UBR1: variants seen among roughly 807,000 people sequenced by gnomAD.
UBR1 encodes the protein E3 ubiquitin-protein ligase UBR1.
In UBR1, 102 loss-of-function variants were observed where a neutral mutation model predicts 242.1. The observed-to-expected ratio is 0.42, with a 90% CI of 0.36 to 0.50. The LOEUF (loss-of-function observed/expected upper bound fraction) is 0.50, where lower values mean the gene tolerates loss of function less well. Among genes scored for constraint, UBR1 ranks in the 20% least tolerant of loss-of-function variants. UBR1 has a pLI of 0.01. For missense variants in UBR1, 1,772 were observed against 2,101.8 expected (o/e 0.84, Z 3.07); for synonymous variants, 675 against 684.8 (o/e 0.99, Z 0.22).
intron 44 of UBR1, among the ~76,000 whole-genome samples, chr15:42,953,267 G>A (rs1449182667): frequency 6.6e-6 from 1 of 152,188 alleles, no homozygotes; most frequent in Non-Finnish European, 1.5e-5. Context: ...AGTTTCCCAT[G>A]CTCCTCCCAT....
intron 12 of UBR1, among the ~76,000 whole-genome samples, chr15:43,051,706 C>T (rs536816237): frequency 1.1e-4 from 16 of 152,130 alleles, no homozygotes; most frequent in Admixed American, 1.3e-4. Context: ...AATGAGCAAC[C>T]TCTATAGATG....
chr15:42,946,180 C>T (rs1490986790), intron 46 of UBR1, among the ~76,000 whole-genome samples: 7 of 151,838 alleles, frequency 4.6e-5, no homozygotes, highest in Admixed American at 2.6e-4. Flanking sequence ...GCTGGAGTGC[C>T]GTGGTACGAT....
chr15:43,011,964 C>T (rs1282729132), intron 29 of UBR1: 10 of 449,078 alleles, frequency 2.2e-5, no homozygotes, highest in African/African-American at 6.0e-5. Flanking sequence ...CAGTGGCTCA[C>T]GCCTGTAATC....
At chr15:43,005,091 G>T (rs562509996) in intron 30 of UBR1, among the ~76,000 whole-genome samples, 1 of 151,932 alleles carries the variant, frequency 6.6e-6, no homozygotes, top group South Asian at 2.1e-4. Context: ...GATGTGAGGA[G>T]TGTCTCTGCC....
intron 1 of UBR1, among the ~76,000 whole-genome samples, chr15:43,091,637 T>C (rs1050049275): frequency 2.6e-5 from 4 of 152,076 alleles, no homozygotes; most frequent in African/African-American, 9.7e-5. Context: ...TAATGAATAA[T>C]TGATATTTTA....
chr15:43,006,521 C>T (rs1028786164), intron 30 of UBR1, among the ~76,000 whole-genome samples: 2 of 152,166 alleles, frequency 1.3e-5, no homozygotes, highest in Admixed American at 6.5e-5. Flanking sequence ...CCACCCACAC[C>T]GGCTTCCCAA....
intron 15 of UBR1, among the ~76,000 whole-genome samples, chr15:43,042,408 G>A (rs1257002799): frequency 6.6e-6 from 1 of 152,132 alleles, no homozygotes; most frequent in Non-Finnish European, 1.5e-5. Flanking sequence ...CATTATGCTA[G>A]GTGATATAAG....
chr15:42,985,992 A>T (rs1383176408), intron 35 of UBR1, among the ~76,000 whole-genome samples: 2 of 149,880 alleles, frequency 1.3e-5, no homozygotes, highest in Non-Finnish European at 3.0e-5. Context: ...CCTGTCTCAA[A>T]AAAAAAAAAA....
intron 10 of UBR1, among the ~76,000 whole-genome samples, chr15:43,057,562 A>G (rs2033633142): frequency 6.6e-6 from 1 of 152,214 alleles, no homozygotes; most frequent in Non-Finnish European, 1.5e-5. Context: ...GTAAGGTAAG[A>G]GATACACGAT....
At chr15:43,095,504 C>T (rs981347943) in intron 1 of UBR1, among the ~76,000 whole-genome samples, 4 of 149,864 alleles carry the variant, frequency 2.7e-5, no homozygotes, top group Non-Finnish European at 4.4e-5. Context: ...CAGCATATTT[C>T]CATAAGCACT....
intron 45 of UBR1, among the ~76,000 whole-genome samples, chr15:42,951,540 T>C (rs2031834180): frequency 2.0e-5 from 3 of 152,198 alleles, no homozygotes; most frequent in South Asian, 2.1e-4. Context: ...ACTATTTTTC[T>C]ATCCTCAATC....
chr15:42,965,939 G>A (rs2032098484), intron 41 of UBR1, among the ~76,000 whole-genome samples: 1 of 152,166 alleles, frequency 6.6e-6, no homozygotes, highest in Non-Finnish European at 1.5e-5. Context: ...ACATAGATAG[G>A]AGCGAAGAGT....
Position 42,964,061 on chromosome 15 carries a change from T to C in UBR1, c.4592-18A>G. On this transcript the variant is annotated intron_variant, in intron 41 of 46. Transcript: ENST00000290650. ...TGCAGAATCTGCAAGAGAATAAAAA[T>C]ACATTTAATAAGCACATTATTCTTA... 6.6e-7 allele frequency: 1 copy of C among 1,517,256 alleles called. No individual in the cohort carries two copies. The highest frequency in any genetic ancestry group is 1.1e-5 in the South Asian group (1 of 88,732). 94.0% of individuals were successfully genotyped at this position (1,517,256 alleles called of 1,614,324 possible). A position where few individuals can be genotyped will look rare whatever the true frequency, so the allele number is the denominator to read the frequency against.
At chr15:42,990,443 G>C (rs2032538450) in intron 33 of UBR1, among the ~76,000 whole-genome samples, 1 of 152,148 alleles carries the variant, frequency 6.6e-6, no homozygotes, top group African/African-American at 2.4e-5. Context: ...AAAGTGCTGG[G>C]ATTACAGACA....
Position 43,089,638 on chromosome 15 carries a change from C to T in UBR1, c.82-3398G>A, listed in dbSNP as rs547272523. Among the ~76,000 whole-genome samples the T allele has an allele frequency of 4.5e-4, 68 of 152,232 alleles. 1 individual carries two copies. The highest frequency in any genetic ancestry group is 1.5e-3 in the African/African-American group (61 of 41,552). On this transcript the variant is annotated intron_variant, in intron 1 of 46. Transcript: ENST00000290650. ...TTTCTTTTTAATAGAGAAGGGGTCT[C>T]ACCTAGGTTGGTCTTGAACTCTTGG...
chr15:42,971,443 T>C (rs1444204414), intron 39 of UBR1, among the ~76,000 whole-genome samples: 1 of 152,210 alleles, frequency 6.6e-6, no homozygotes, highest in Non-Finnish European at 1.5e-5. Flanking sequence ...TTCAGAAATA[T>C]TGTATTAAAC....
intron 12 of UBR1, among the ~76,000 whole-genome samples, chr15:43,051,610 A>G (rs527767887): frequency 1.3e-5 from 2 of 152,344 alleles, no homozygotes; most frequent in African/African-American, 4.8e-5. Context: ...GCAGCTCCCC[A>G]GATGATTTGC....
chr15:43,035,241 TAA>T lies in UBR1; in HGVS notation c.2190+935_2190+936del, dbSNP rs140904297. Among the ~76,000 whole-genome samples the T allele has an allele frequency of 9.0e-3, 1,368 of 152,346 alleles. 17 individuals are homozygous for T. The highest frequency in any genetic ancestry group is 0.031 in the African/African-American group (1,300 of 41,590). The stretch of plus-strand genomic sequence containing the variant: ...AAAAACAAGCAAGACACTAAAACTT[TAA>T]AAGTGATCATTTCTAGGAAGCAGTG... On this transcript the variant is annotated intron_variant, in intron 19 of 46. Coordinates refer to ENST00000290650, the MANE Select transcript of UBR1 (RefSeq NM_174916.3).
At chr15:43,046,100 A>C (rs897634227) in intron 14 of UBR1, among the ~76,000 whole-genome samples, 4 of 152,216 alleles carry the variant, frequency 2.6e-5, no homozygotes, top group African/African-American at 9.6e-5. Flanking sequence ...GAAGATACTA[A>C]ATGTAGATGA....
Sources: gnomAD v4.1 joint callset for allele counts (sites outside exome capture counted in the v4.1 genomes callset) on GRCh38, gnomAD v4.1.1 for gene constraint, MANE v1.5 for transcripts, NCBI Gene and HGNC (gene_info 2026-07-23, HGNC 2026-07-21) for gene names.